SLAIN2: variants seen among roughly 807,000 people sequenced by gnomAD.
SLAIN2 encodes the protein SLAIN motif-containing protein 2.
Under a neutral mutation model 56.6 loss-of-function variants are expected in SLAIN2, and 31 were observed. That is an observed-to-expected ratio of 0.55 (90% CI 0.41 to 0.74). The LOEUF (loss-of-function observed/expected upper bound fraction) is 0.74. Among genes scored for constraint, SLAIN2 ranks in the 30% least tolerant of loss-of-function variants. The pLI, the probability that SLAIN2 is intolerant of heterozygous loss-of-function variation, is 0.00. For missense variants in SLAIN2, 777 were observed against 754.2 expected (o/e 1.03, Z -0.35); for synonymous variants, 317 against 284.9 (o/e 1.11, Z -1.13).
At chr4:48,394,320 T>C (rs910266093) in intron 6 of SLAIN2, among the ~76,000 whole-genome samples, 1 of 152,322 alleles carries the variant, frequency 6.6e-6, no homozygotes, top group East Asian at 1.9e-4. Context: ...TTTTGACCAA[T>C]AGACATATTG....
intron 1 of SLAIN2, among the ~76,000 whole-genome samples, chr4:48,365,765 G>T (rs1326361817): frequency 6.6e-6 from 1 of 152,036 alleles, no homozygotes; most frequent in Non-Finnish European, 1.5e-5. Context: ...GTTTTGCCAC[G>T]TTGGCCAGGC....
At chr4:48,352,260 T>C (rs755449915) in intron 1 of SLAIN2, among the ~76,000 whole-genome samples, 2 of 152,204 alleles carry the variant, frequency 1.3e-5, no homozygotes, top group Non-Finnish European at 2.9e-5. Flanking sequence ...AACCAAAGTA[T>C]TGAATTCAAA....
chr4:48,358,476 T>A (rs1037344845), intron 1 of SLAIN2, among the ~76,000 whole-genome samples: 10 of 151,240 alleles, frequency 6.6e-5, no homozygotes, highest in African/African-American at 2.4e-4. Context: ...TGCACCACCA[T>A]GCCCGGCTAA....
intron 1 of SLAIN2, among the ~76,000 whole-genome samples, chr4:48,368,995 A>G (rs1715596931): frequency 6.6e-6 from 1 of 152,222 alleles, no homozygotes; most frequent in South Asian, 2.1e-4. Flanking sequence ...ATTAATGTAA[A>G]TGAGATTATT....
chr4:48,405,527 T>C (rs28659782), intron 6 of SLAIN2, among the ~76,000 whole-genome samples: 44,096 of 152,026 alleles, frequency 0.29, 6,640 homozygotes, highest in South Asian at 0.48. Context: ...TGGCTTTGTT[T>C]AGCAAGTTCC....
At chr4:48,369,053 TTTTG>T (rs1404081062) in intron 1 of SLAIN2, among the ~76,000 whole-genome samples, 1 of 152,202 alleles carries the variant, frequency 6.6e-6, no homozygotes, top group African/African-American at 2.4e-5. Flanking sequence ...CGAAGCCTAA[TTTTG>T]TTTGCTTCAT....
chr4:48,399,569 G>A (rs947923149), intron 6 of SLAIN2, among the ~76,000 whole-genome samples: 7 of 152,082 alleles, frequency 4.6e-5, no homozygotes, highest in Non-Finnish European at 7.4e-5. Context: ...AGAGAGCATC[G>A]TGGTCTTGTG....
intron 6 of SLAIN2, among the ~76,000 whole-genome samples, chr4:48,405,431 C>T (rs1320787812): frequency 1.3e-5 from 2 of 152,052 alleles, no homozygotes; most frequent in African/African-American, 4.8e-5. Flanking sequence ...CTCTCTCTCT[C>T]TCATTGTTTG....
chr4:48,390,448 T>C (rs1272895882), intron 6 of SLAIN2, among the ~76,000 whole-genome samples: 1 of 152,240 alleles, frequency 6.6e-6, no homozygotes, highest in East Asian at 1.9e-4. Flanking sequence ...TCACAGAGGC[T>C]GTGCTTACTT....
At chr4:48,395,219 GA>G (rs1716345807) in intron 6 of SLAIN2, among the ~76,000 whole-genome samples, 1 of 152,140 alleles carries the variant, frequency 6.6e-6, no homozygotes. Context: ...TGGGCAGCTA[GA>G]TGGAAGTAGA....
rs755015053 is a variant in SLAIN2 at position 48,383,820 on chromosome 4, T to C, written c.1360+36T>C. The C allele has an allele frequency of 3.8e-6, 6 of 1,574,606 alleles. No individual in the cohort carries two copies. The Admixed American group carries it at 5.5e-5, about 14-fold the overall frequency. On this transcript the variant is annotated intron_variant, in intron 6 of 7. Transcript: ENST00000264313. ...TTCTTATGCTTTCATGTATCAGTTA[T>C]TTAAAGAGAAGTGAAAATTTTAGAT...
chr4:48,349,410 A>T (rs1714952279), intron 1 of SLAIN2, among the ~76,000 whole-genome samples: 1 of 152,266 alleles, frequency 6.6e-6, no homozygotes, highest in African/African-American at 2.4e-5. Context: ...TATGCCAGTT[A>T]CAGATGAGAT....
In SLAIN2 at chr4:48,369,676, T is replaced by C. The variant is rs554443767; in HGVS notation, c.390-173T>C. On this transcript the variant is annotated intron_variant, in intron 1 of 7. Coordinates refer to ENST00000264313, the MANE Select transcript of SLAIN2 (RefSeq NM_020846.2). Reference sequence around the variant, plus strand: ...TAGTACTTGGAATTTGGATTTATATTGATTGTTTTACTATAATTTTCTTCC... The same window carrying C: ...TAGTACTTGGAATTTGGATTTATATCGATTGTTTTACTATAATTTTCTTCC... Among the ~76,000 whole-genome samples the C allele has an allele frequency of 3.3e-5, 5 of 152,308 alleles. 1 individual carries two copies. In the South Asian group the frequency reaches 1.0e-3, roughly 32 times the overall value.
Position 48,378,047 on chromosome 4 carries a change from TC to T in SLAIN2, c.692del (p.Pro231LeufsTer7). 1 of 1,612,572 alleles carries T rather than the reference TC, an allele frequency of 6.2e-7. No homozygotes were observed. On this transcript the variant is annotated frameshift_variant, in exon 3 of 8. Transcript: ENST00000264313. LOFTEE classifies it high-confidence loss of function. ...CTCCTATAGTCAAACAGCTTATACT[TC>T]CTGGAAATTCAGGTAAGGAGAAAAT... ...RPPIVKQLILPGNSGNLKSSD... is the reference protein window; with the variant it reads ...RPPIVKQLILXGNSGNLKSSD...
rs1398861948 is a variant in SLAIN2 at position 48,341,571 on chromosome 4, G to C, written c.-169G>C. The C allele has an allele frequency of 9.3e-7, 1 of 1,079,446 alleles. No individual in the cohort carries two copies. Among genetic ancestry groups the C allele is most frequent in the African/African-American group, 1.7e-5 (1 of 59,760 alleles). The allele number at this position is 1,079,446 out of a possible 1,614,324, so 66.9% of individuals were successfully genotyped here. ...AGATGAGGCAGTTCGGCTGGGGCCA[G>C]CGGCGCTTTGGAACCCGAGGTGGGG... On this transcript the variant is annotated 5_prime_UTR_variant, in exon 1 of 8. Transcript: ENST00000264313.
intron 1 of SLAIN2, among the ~76,000 whole-genome samples, chr4:48,363,753 CCCCCA>C (rs1463488655): frequency 1.5e-5 from 2 of 132,394 alleles, no homozygotes; most frequent in Non-Finnish European, 3.4e-5. Context: ...GGGCTGACCC[CCCCCA>C]CCTCCCTCCC....
intron 6 of SLAIN2, among the ~76,000 whole-genome samples, chr4:48,414,171 G>A (rs1042394664): frequency 6.6e-6 from 1 of 152,154 alleles, no homozygotes; most frequent in African/African-American, 2.4e-5. Flanking sequence ...CATTATGCCT[G>A]ACTCGAGTGT....
intron 1 of SLAIN2, among the ~76,000 whole-genome samples, chr4:48,367,867 A>T (rs1715560391): frequency 6.6e-6 from 1 of 152,070 alleles, no homozygotes; most frequent in South Asian, 2.1e-4. Flanking sequence ...CCATTACCAT[A>T]ATTATCACTA....
chr4:48,382,111 CT>C (rs1183245143), intron 4 of SLAIN2, among the ~76,000 whole-genome samples: 2 of 152,132 alleles, frequency 1.3e-5, no homozygotes, highest in African/African-American at 4.8e-5. Context: ...TTCTTTGGTA[CT>C]TTATCATCTT....
Sources: gnomAD v4.1 joint callset for allele counts (sites outside exome capture counted in the v4.1 genomes callset) on GRCh38, gnomAD v4.1.1 for gene constraint, MANE v1.5 for transcripts, NCBI Gene and HGNC (gene_info 2026-07-23, HGNC 2026-07-21) for gene names.